METTL24: variants seen among roughly 807,000 people sequenced by gnomAD.
METTL24 encodes the protein probable methyltransferase-like protein 24.
Under a neutral mutation model 32.7 loss-of-function variants are expected in METTL24, and 29 were observed. The observed-to-expected ratio is 0.89, with a 90% CI of 0.66 to 1.21. The LOEUF (loss-of-function observed/expected upper bound fraction) is 1.21, where lower values mean the gene tolerates loss of function less well. Among genes scored for constraint, METTL24 ranks in the 50% most tolerant of loss-of-function variants. The pLI, the probability that METTL24 is intolerant of heterozygous loss-of-function variation, is 0.00. For missense variants in METTL24, 439 were observed against 468.1 expected (o/e 0.94, Z 0.57); for synonymous variants, 163 against 179.5 (o/e 0.91, Z 0.73).
At chr6:110,281,985 C>T (rs575321650) in intron 4 of METTL24, among the ~76,000 whole-genome samples, 9 of 152,226 alleles carry the variant, frequency 5.9e-5, no homozygotes, top group Admixed American at 4.6e-4. Context: ...GCCTGTGTGA[C>T]TTTAAATACT....
intron 4 of METTL24, among the ~76,000 whole-genome samples, chr6:110,280,347 A>G (rs934340695): frequency 6.6e-6 from 1 of 152,194 alleles, no homozygotes; most frequent in Non-Finnish European, 1.5e-5. Flanking sequence ...ATATTTTTCC[A>G]TATCAGCAAA....
rs530699958 is a variant in METTL24, at chr6:110,277,624, T to C, written c.786+21298A>G. 5.9e-5 allele frequency among the ~76,000 whole-genome samples: 9 copies of C among 152,298 alleles called. No individual in the cohort carries two copies. The South Asian group carries it at 1.7e-3, about 28-fold the overall frequency. On this transcript the variant is annotated intron_variant, in intron 4 of 4. Transcript: ENST00000338882. ...TGCTGTTTAAGTTATAGTAAAGAAA[T>C]CTTTGTCAGGAAAACGTTATAGAAA...
chr6:110,259,148 T>C (rs1778441274), intron 4 of METTL24, among the ~76,000 whole-genome samples: 1 of 152,004 alleles, frequency 6.6e-6, no homozygotes, highest in African/African-American at 2.4e-5. Flanking sequence ...ATACCAAGTG[T>C]GAGCCAAAGC....
At chr6:110,343,224 G>A (rs146799064) in intron 1 of METTL24, among the ~76,000 whole-genome samples, 1 of 152,200 alleles carries the variant, frequency 6.6e-6, no homozygotes, top group Non-Finnish European at 1.5e-5. Context: ...AAGGGAAAAA[G>A]GGGTTCTGCA....
intron 4 of METTL24, among the ~76,000 whole-genome samples, chr6:110,248,313 A>G (rs900221439): frequency 1.3e-5 from 2 of 152,208 alleles, no homozygotes; most frequent in African/African-American, 4.8e-5. Flanking sequence ...TTCAGAGTTG[A>G]ATGCAAGAGA....
chr6:110,303,481 A>G (rs958871804), intron 3 of METTL24, among the ~76,000 whole-genome samples: 3 of 152,034 alleles, frequency 2.0e-5, no homozygotes, highest in Non-Finnish European at 2.9e-5. Flanking sequence ...TGGTGTGGGG[A>G]GGGGCGTCTG....
intron 3 of METTL24, among the ~76,000 whole-genome samples, chr6:110,311,944 A>G (rs1056426996): frequency 2.0e-5 from 3 of 152,136 alleles, no homozygotes; most frequent in Non-Finnish European, 4.4e-5. Context: ...TATTCTGGAT[A>G]TTAGTCACTT....
At position 110,343,523 on chromosome 6, in the gene METTL24, CATG is replaced by C. The variant is rs1340576979; in HGVS notation, c.318+14429_318+14431del. ...TGCCTTCTGCCAGAGTGGCATAATT[CATG>C]CCTAGGACAGGCCCGGAAGGAAAGG... On this transcript the variant is annotated intron_variant, in intron 1 of 4. Coordinates refer to ENST00000338882, the MANE Select transcript of METTL24 (RefSeq NM_001123364.3). Among the ~76,000 whole-genome samples, 7 of 152,224 alleles carry C rather than the reference CATG, an allele frequency of 4.6e-5. No individual in the cohort carries two copies. The South Asian group carries it at 1.4e-3, about 32-fold the overall frequency.
intron 1 of METTL24, among the ~76,000 whole-genome samples, chr6:110,343,433 G>A (rs988342589): frequency 6.6e-6 from 1 of 152,222 alleles, no homozygotes; most frequent in African/African-American, 2.4e-5. Flanking sequence ...TTTATGAATT[G>A]TCTAGTAGTA....
intron 4 of METTL24, among the ~76,000 whole-genome samples, chr6:110,247,442 G>C (rs185010482): frequency 7.4e-4 from 113 of 152,320 alleles, no homozygotes; most frequent in Middle Eastern, 3.4e-3. Context: ...AAGAGGTTTG[G>C]AGTTTGGAAA....
intron 1 of METTL24, among the ~76,000 whole-genome samples, chr6:110,348,803 G>T (rs368229306): frequency 6.6e-6 from 1 of 152,146 alleles, no homozygotes; most frequent in East Asian, 1.9e-4. Context: ...CAAATAATTT[G>T]CTTTATTCCA....
At chr6:110,314,383 T>G (rs1183107691) in intron 3 of METTL24, among the ~76,000 whole-genome samples, 1 of 152,174 alleles carries the variant, frequency 6.6e-6, no homozygotes, top group African/African-American at 2.4e-5. Context: ...GAACTGTTTT[T>G]ATATAAATAC....
intron 4 of METTL24, among the ~76,000 whole-genome samples, chr6:110,295,418 G>A (rs145993492): frequency 6.6e-6 from 1 of 152,184 alleles, no homozygotes; most frequent in Non-Finnish European, 1.5e-5. Flanking sequence ...CTTGGCCTGG[G>A]TGGTGACAAG....
chr6:110,329,739 C>G (rs915459456), intron 1 of METTL24, among the ~76,000 whole-genome samples: 3 of 152,184 alleles, frequency 2.0e-5, no homozygotes, highest in African/African-American at 7.2e-5. Context: ...TCAGAAAGAG[C>G]AAGAATCAGT....
chr6:110,317,698 G>T (rs1224901230), intron 2 of METTL24, among the ~76,000 whole-genome samples: 2 of 152,056 alleles, frequency 1.3e-5, no homozygotes, highest in Non-Finnish European at 2.9e-5. Context: ...ATGAAGATGT[G>T]ATGTTTGCAG....
chr6:110,356,218 T>C (rs956445746), intron 1 of METTL24, among the ~76,000 whole-genome samples: 1 of 151,532 alleles, frequency 6.6e-6, no homozygotes, highest in Admixed American at 6.6e-5. Flanking sequence ...TTGAGGCGGG[T>C]GGGTCACTTG....
intron 1 of METTL24, chr6:110,332,381 A>T: frequency 5.9e-6 from 2 of 337,844 alleles, no homozygotes; most frequent in Non-Finnish European, 4.2e-6. Context: ...TGGCTAAGAG[A>T]ATAAAACGTA....
chr6:110,252,069 G>C (rs1778290832), intron 4 of METTL24, among the ~76,000 whole-genome samples: 1 of 152,112 alleles, frequency 6.6e-6, no homozygotes, highest in Non-Finnish European at 1.5e-5. Flanking sequence ...GCTTGGACCT[G>C]GGGGGCAGAG....
Position 110,322,831 on chromosome 6 carries a change from A to C in METTL24, c.360T>G (p.Ser120=). ...AGGCTTCTTCATCCAGGGACTGAGC[A>C]GAGCCTGCCCAAGGCTGGAGATCTA... is the stretch of plus-strand genomic sequence containing the variant. The part of the protein sequence containing the change: ...WHIDLQPWAG[S]AQSLDEEAWR... The change falls in exon 2 of 5, where the codon TCT becomes TCG. Residue 120 remains serine (S), a synonymous_variant. Transcript: ENST00000338882. The C allele has an allele frequency of 3.7e-6, 6 of 1,614,030 alleles. No homozygotes were observed. Among genetic ancestry groups the C allele is most frequent in the Non-Finnish European group, 5.1e-6 (6 of 1,179,930 alleles).
Sources: allele counts gnomAD v4.1 joint callset (sites outside exome capture counted in the v4.1 genomes callset), GRCh38; gene constraint gnomAD v4.1.1; transcripts MANE v1.5; gene names NCBI Gene and HGNC (gene_info 2026-07-23, HGNC 2026-07-21).